The following GRM8 variants were observed in gnomAD, a reference collection of about 807,000 sequenced individuals.
The protein encoded by GRM8 is metabotropic glutamate receptor 8.
GRM8 carries 47 observed loss-of-function variants against 87.2 expected under a neutral mutation model. The ratio of observed to expected loss-of-function variants is 0.54; its 90% CI spans 0.43 to 0.69. GRM8 has a LOEUF of 0.69. Ranked by LOEUF, GRM8 falls within the 30% of genes least tolerant of loss-of-function variation. GRM8 has a pLI of 0.00. For missense variants in GRM8, 1,019 were observed against 1,139.2 expected, an observed-to-expected ratio of 0.89 and a Z score of 1.52; for synonymous variants, 396 against 404.5, an observed-to-expected ratio of 0.98 and a Z score of 0.25.
chr7:126,863,668 A>G (rs751745486), intron 6 of GRM8, among the ~76,000 whole-genome samples: 1 of 152,188 alleles, frequency 6.6e-6, no homozygotes, highest in Non-Finnish European at 1.5e-5. Context: ...CGCATCTGTC[A>G]TATCAGCTTC....
intron 6 of GRM8, among the ~76,000 whole-genome samples, chr7:126,850,629 T>G (rs1371265268): frequency 1.3e-5 from 2 of 152,220 alleles, no homozygotes; most frequent in African/African-American, 4.8e-5. Flanking sequence ...GAAACTTCTA[T>G]GATTATCTCA....
chr7:127,148,542 C>T (rs1307975791), intron 2 of GRM8, among the ~76,000 whole-genome samples: 1 of 151,938 alleles, frequency 6.6e-6, no homozygotes, highest in Non-Finnish European at 1.5e-5. Flanking sequence ...CTTCAACACA[C>T]ATAGAACATT....
intron 8 of GRM8, among the ~76,000 whole-genome samples, chr7:126,539,873 T>C (rs981724571): frequency 1.3e-5 from 2 of 151,986 alleles, no homozygotes; most frequent in Non-Finnish European, 2.9e-5. Context: ...AGTAAATCTC[T>C]GTGACCTTGT....
intron 3 of GRM8, among the ~76,000 whole-genome samples, chr7:126,984,735 C>T (rs1344949585): frequency 2.0e-5 from 3 of 152,058 alleles, no homozygotes; most frequent in Non-Finnish European, 2.9e-5. Context: ...TTTGTCATTA[C>T]CCTACTCAGT....
At chr7:127,233,294 A>C (rs1186558206) in intron 2 of GRM8, among the ~76,000 whole-genome samples, 1 of 152,206 alleles carries the variant, frequency 6.6e-6, no homozygotes, top group Non-Finnish European at 1.5e-5. Flanking sequence ...ACTCACGAGT[A>C]TCAGCACCAC....
chr7:126,971,568 C>T (rs1448923256), intron 3 of GRM8, among the ~76,000 whole-genome samples: 3 of 152,276 alleles, frequency 2.0e-5, no homozygotes, highest in East Asian at 1.9e-4. Flanking sequence ...AAAGGTCAGT[C>T]TTATGAATGC....
intron 7 of GRM8, among the ~76,000 whole-genome samples, chr7:126,759,280 CAA>C (rs1326591996): frequency 6.6e-6 from 1 of 152,050 alleles, no homozygotes; most frequent in Non-Finnish European, 1.5e-5. Flanking sequence ...AAAAAATAAT[CAA>C]GTCTCCATTA....
intron 3 of GRM8, among the ~76,000 whole-genome samples, chr7:127,068,346 A>G (rs1821340853): frequency 6.6e-6 from 1 of 152,216 alleles, no homozygotes; most frequent in South Asian, 2.1e-4. Context: ...GCAAGAGACA[A>G]TAAGAATGCC....
chr7:127,214,098 A>T (rs2116653317), intron 2 of GRM8, among the ~76,000 whole-genome samples: 1 of 152,358 alleles, frequency 6.6e-6, no homozygotes, highest in South Asian at 2.1e-4. Flanking sequence ...AAGATTATAT[A>T]GTATATAAAT....
chr7:126,533,924 C>T lies in GRM8; in HGVS notation c.1495-37G>A, dbSNP rs1270628528. 4.8e-6 allele frequency: 7 copies of T among 1,471,874 alleles called. No individual in the cohort carries two copies. The Admixed American group carries it at 1.1e-4, about 23-fold the overall frequency. The allele number at this position is 1,471,874 out of a possible 1,614,324, so 91.2% of individuals were successfully genotyped here. A position where few individuals can be genotyped will look rare whatever the true frequency, so the allele number is the denominator to read the frequency against. On this transcript the variant is annotated intron_variant, in intron 8 of 10. Coordinates refer to ENST00000339582, the MANE Select transcript of GRM8 (RefSeq NM_000845.3). ...AAAAATTAATGAGCCTTCCATTTTT[C>T]CCCCATTTATAATATCCTAATCCTA...
In GRM8 at chr7:126,438,983, T is replaced by A. The variant is rs1323341322; in HGVS notation, c.*136A>T. The A allele has an allele frequency of 3.0e-6, 2 of 659,016 alleles. No homozygotes were observed. The highest frequency in any genetic ancestry group is 5.5e-6 in the Non-Finnish European group (2 of 364,120). The allele number at this position is 659,016 out of a possible 1,614,324, so 40.8% of individuals were successfully genotyped here. A position where few individuals can be genotyped will look rare whatever the true frequency, so the allele number is the denominator to read the frequency against. ...TGATACTTTTGGCTCATGGCTAATT[T>A]TTGTTCCTTACAAGACTGACTATTG... On this transcript the variant is annotated 3_prime_UTR_variant, in exon 11 of 11. Coordinates refer to ENST00000339582, the MANE Select transcript of GRM8 (RefSeq NM_000845.3).
chr7:126,744,956 C>T (rs1436028436), intron 7 of GRM8, among the ~76,000 whole-genome samples: 2 of 133,770 alleles, frequency 1.5e-5, no homozygotes, highest in Non-Finnish European at 3.3e-5. Context: ...TATTTATTAA[C>T]ATGTAATTGA....
At chr7:126,591,018 C>T (rs941424172) in intron 8 of GRM8, among the ~76,000 whole-genome samples, 1 of 151,946 alleles carries the variant, frequency 6.6e-6, no homozygotes, top group Non-Finnish European at 1.5e-5. Flanking sequence ...ATGAATAGCA[C>T]CTCACATCTC....
intron 6 of GRM8, among the ~76,000 whole-genome samples, chr7:126,806,700 C>T (rs1221620678): frequency 2.0e-5 from 3 of 152,246 alleles, no homozygotes; most frequent in Admixed American, 6.5e-5. Flanking sequence ...CACTGGCATG[C>T]GTCGCGGGAC....
rs185096148 is a variant in GRM8, at chr7:126,576,016, T to C, written c.1494+33346A>G. 7.9e-5 allele frequency among the ~76,000 whole-genome samples: 12 copies of C among 152,316 alleles called. No individual in the cohort carries two copies. In the East Asian group the frequency reaches 1.9e-3, roughly 24 times the overall value. On this transcript the variant is annotated intron_variant, in intron 8 of 10. Transcript: ENST00000339582. Reference sequence around the variant, plus strand: ...CAGCTTTAGTATTGGTCAAATGCTATAGCTGGAGAGTCATGAGTAAGCCCT... The same window carrying C: ...CAGCTTTAGTATTGGTCAAATGCTACAGCTGGAGAGTCATGAGTAAGCCCT...
intron 7 of GRM8, among the ~76,000 whole-genome samples, chr7:126,766,131 A>T (rs1377164120): frequency 6.6e-6 from 1 of 152,152 alleles, no homozygotes; most frequent in Non-Finnish European, 1.5e-5. Context: ...CACTGGAAGA[A>T]GCACAATCTT....
intron 9 of GRM8, among the ~76,000 whole-genome samples, chr7:126,523,498 ATTTTTTT>A (rs34139224): frequency 6.3e-5 from 9 of 141,928 alleles, no homozygotes; most frequent in African/African-American, 2.3e-4. Context: ...AGACCTCTCA[ATTTTTTT>A]TTTTTTTTTG....
chr7:127,029,588 T>C (rs1817152649), intron 3 of GRM8, among the ~76,000 whole-genome samples: 1 of 152,170 alleles, frequency 6.6e-6, no homozygotes, highest in Non-Finnish European at 1.5e-5. Flanking sequence ...CATTATTTAA[T>C]GCCCTTCTTT....
Position 126,651,902 on chromosome 7 carries a change from C to G in GRM8, c.1358-42404G>C, listed in dbSNP as rs1278984139. Among the ~76,000 whole-genome samples, 4 of 152,182 alleles carry G rather than the reference C, an allele frequency of 2.6e-5. No individual in the cohort carries two copies. In the East Asian group the frequency reaches 7.7e-4, roughly 29 times the overall value. ...CAATCCAGGCAGGACTACAAATGGC[C>G]AAGACCCTTCAGGAATGAAGGTTTG... On this transcript the variant is annotated intron_variant, in intron 7 of 10. Coordinates refer to ENST00000339582, the MANE Select transcript of GRM8 (RefSeq NM_000845.3).
Sources: gnomAD v4.1 joint callset for allele counts (sites outside exome capture counted in the v4.1 genomes callset) on GRCh38, gnomAD v4.1.1 for gene constraint, MANE v1.5 for transcripts, NCBI Gene and HGNC (gene_info 2026-07-23, HGNC 2026-07-21) for gene names.